The following NKAIN2 variants were observed in gnomAD, a reference collection of about 807,000 sequenced individuals.
NKAIN2 encodes sodium/potassium transporting ATPase interacting 2.
In NKAIN2, 14 loss-of-function variants were observed where a neutral mutation model predicts 32.6. The ratio of observed to expected loss-of-function variants is 0.43; its 90% CI spans 0.28 to 0.67. The LOEUF (loss-of-function observed/expected upper bound fraction) is 0.67, where lower values mean the gene tolerates loss of function less well. NKAIN2 is among the 30% of genes least tolerant of loss of function. NKAIN2 has a pLI of 0.17. For synonymous variants in NKAIN2, 80 were observed against 87.2 expected, an observed-to-expected ratio of 0.92 and a Z score of 0.46; for missense variants, 198 against 258.3, an observed-to-expected ratio of 0.77 and a Z score of 1.60.
At chr6:123,976,684 T>A (rs1036226477) in intron 1 of NKAIN2, among the ~76,000 whole-genome samples, 3 of 151,890 alleles carry the variant, frequency 2.0e-5, no homozygotes, top group Non-Finnish European at 4.4e-5. Flanking sequence ...CAAGTTAACA[T>A]ATAAAATTAA....
chr6:124,332,211 ATG>A (rs752363149), intron 2 of NKAIN2, among the ~76,000 whole-genome samples: 1 of 151,356 alleles, frequency 6.6e-6, no homozygotes. Flanking sequence ...ATGCATATAT[ATG>A]TGTGTGTGTG....
intron 1 of NKAIN2, among the ~76,000 whole-genome samples, chr6:124,209,515 G>T (rs926044487): frequency 5.3e-5 from 8 of 151,514 alleles, no homozygotes; most frequent in Non-Finnish European, 7.4e-5. Flanking sequence ...CAGTTTTTTG[G>T]GGAACCTCCA....
intron 4 of NKAIN2, among the ~76,000 whole-genome samples, chr6:124,740,626 A>T (rs955566263): frequency 6.6e-6 from 1 of 151,858 alleles, no homozygotes; most frequent in Non-Finnish European, 1.5e-5. Context: ...AAAATCAACC[A>T]TGTTAATATC....
At chr6:124,356,486 A>T (rs182854899) in intron 3 of NKAIN2, among the ~76,000 whole-genome samples, 1 of 152,282 alleles carries the variant, frequency 6.6e-6, no homozygotes, top group Admixed American at 6.5e-5. Context: ...AGAGAACCAA[A>T]ACTTCTTGGA....
chr6:124,128,978 C>T (rs1368238889), intron 1 of NKAIN2, among the ~76,000 whole-genome samples: 7 of 152,116 alleles, frequency 4.6e-5, no homozygotes, highest in African/African-American at 1.7e-4. Context: ...ATACACGAGG[C>T]TCAGGGTGAG....
chr6:124,308,331 A>G (rs1796592709), intron 2 of NKAIN2, among the ~76,000 whole-genome samples: 2 of 152,124 alleles, frequency 1.3e-5, no homozygotes, highest in Admixed American at 1.3e-4. Context: ...TCATTCTCTT[A>G]CCATTGTATT....
At chr6:124,807,442 G>A (rs1249189037) in intron 5 of NKAIN2, among the ~76,000 whole-genome samples, 6 of 151,312 alleles carry the variant, frequency 4.0e-5, no homozygotes, top group Non-Finnish European at 4.4e-5. Context: ...TGAAACCAAC[G>A]AGAACAAAGA....
chr6:124,603,536 G>T (rs2114985002), intron 3 of NKAIN2, among the ~76,000 whole-genome samples: 1 of 151,758 alleles, frequency 6.6e-6, no homozygotes, highest in African/African-American at 2.4e-5. Context: ...CTTTTTCTTT[G>T]TCTATATGTC....
chr6:124,755,148 T>C lies in NKAIN2; in HGVS notation c.475-36191T>C, dbSNP rs546555768. On this transcript the variant is annotated intron_variant, in intron 4 of 6. Coordinates refer to ENST00000368417, the MANE Select transcript of NKAIN2 (RefSeq NM_001040214.3). ...AACAGTGCGGCCTTCGGACTGTAGC[T>C]GAAGGCCTGAGAGCCCCACGCAAAG... Among the ~76,000 whole-genome samples the C allele has an allele frequency of 3.3e-5, 5 of 152,198 alleles. No individual in the cohort carries two copies. The South Asian group carries it at 1.0e-3, about 32-fold the overall frequency.
intron 1 of NKAIN2, among the ~76,000 whole-genome samples, chr6:124,093,331 T>A (rs1784512956): frequency 6.6e-6 from 1 of 152,100 alleles, no homozygotes; most frequent in Non-Finnish European, 1.5e-5. Flanking sequence ...ATAGTGTAAG[T>A]GTAGAAGCTC....
chr6:124,269,200 C>T (rs774599310), intron 1 of NKAIN2, among the ~76,000 whole-genome samples: 3 of 151,960 alleles, frequency 2.0e-5, no homozygotes, highest in Non-Finnish European at 4.4e-5. Flanking sequence ...TTACACTTAC[C>T]CATGGAAAGC....
At chr6:124,538,306 G>A (rs566461431) in intron 3 of NKAIN2, among the ~76,000 whole-genome samples, 2 of 151,742 alleles carry the variant, frequency 1.3e-5, no homozygotes, top group South Asian at 2.1e-4. Flanking sequence ...TCTTTATTTG[G>A]CCTTTATTCT....
intron 1 of NKAIN2, among the ~76,000 whole-genome samples, chr6:123,903,540 A>G (rs570223215): frequency 1.3e-5 from 2 of 152,308 alleles, no homozygotes; most frequent in South Asian, 4.1e-4. Flanking sequence ...AGAGCAAGAG[A>G]AAGTTGACTC....
rs1475509444 is a variant in NKAIN2, at chr6:124,555,165, G to A, written c.274-103021G>A. On this transcript the variant is annotated intron_variant, in intron 3 of 6. Transcript: ENST00000368417. The stretch of plus-strand genomic sequence containing the variant: ...TTCCTGGGCTACATGGGAATCTCTA[G>A]ATTACTTCCATGCTGGGCACAGTCT... 3.9e-5 allele frequency among the ~76,000 whole-genome samples: 6 copies of A among 152,300 alleles called. No individual in the cohort carries two copies. The East Asian group carries it at 1.2e-3, about 29-fold the overall frequency.
chr6:123,977,269 TA>T (rs1778687513), intron 1 of NKAIN2, among the ~76,000 whole-genome samples: 1 of 152,150 alleles, frequency 6.6e-6, no homozygotes. Context: ...TTTAAAAATT[TA>T]AAAGGTGGTG....
At chr6:124,395,068 G>A (rs955574796) in intron 3 of NKAIN2, among the ~76,000 whole-genome samples, 2 of 152,076 alleles carry the variant, frequency 1.3e-5, no homozygotes, top group Non-Finnish European at 2.9e-5. Context: ...CATTGAAGAT[G>A]ATTTATAATA....
chr6:123,877,339 A>G (rs1431968661), intron 1 of NKAIN2, among the ~76,000 whole-genome samples: 1 of 152,198 alleles, frequency 6.6e-6, no homozygotes, highest in African/African-American at 2.4e-5. Flanking sequence ...TGAATCTTAA[A>G]CCATCCTTGT....
At chr6:124,332,056 T>C (rs1030741760) in intron 2 of NKAIN2, among the ~76,000 whole-genome samples, 6 of 152,132 alleles carry the variant, frequency 3.9e-5, no homozygotes, top group Non-Finnish European at 7.4e-5. Flanking sequence ...CTAATATATA[T>C]AGTTTTAAAG....
At chr6:124,780,488 A>G (rs1439997372) in intron 4 of NKAIN2, among the ~76,000 whole-genome samples, 1 of 152,294 alleles carries the variant, frequency 6.6e-6, no homozygotes, top group East Asian at 1.9e-4. Context: ...GGACAGAGAA[A>G]TGCCTTATTC....
Sources: allele counts gnomAD v4.1 joint callset (sites outside exome capture counted in the v4.1 genomes callset), GRCh38; gene constraint gnomAD v4.1.1; transcripts MANE v1.5; gene names NCBI Gene and HGNC (gene_info 2026-07-23, HGNC 2026-07-21).